Variants in RABEPK observed in about 807,000 individuals in gnomAD.
RABEPK encodes the protein Rab9 effector protein with kelch motifs, also known as 40 kDa Rab9 effector protein.
RABEPK carries 27 observed loss-of-function variants against 34.1 expected under a neutral mutation model. The observed-to-expected ratio is 0.79, with a 90% CI of 0.58 to 1.09. RABEPK has a LOEUF of 1.09. Ranked by LOEUF, RABEPK falls within the 50% of genes least tolerant of loss-of-function variation. The pLI, the probability that RABEPK is intolerant of heterozygous loss-of-function variation, is 0.00. For synonymous variants in RABEPK, 172 were observed against 169.2 expected, an observed-to-expected ratio of 1.02 and a Z score of -0.13; for missense variants, 449 against 462.6, an observed-to-expected ratio of 0.97 and a Z score of 0.27.
At position 125,233,813 on chromosome 9, in the gene RABEPK, A is replaced by T. The variant is rs955906358; in HGVS notation, c.952A>T (p.Thr318Ser). The T allele has an allele frequency of 3.1e-6, 5 of 1,613,776 alleles. No homozygotes were observed. The African/African-American group carries it at 6.7e-5, about 22-fold the overall frequency. ...TGAGAAAGAAGATTCCAACTCTCTC[A>T]CTCTGAACCATGAAGCTGAGAAAGA... ...ASEKEDSNSLTLNHEAEKEDS... is the reference protein window; with the variant it reads ...ASEKEDSNSLSLNHEAEKEDS... The change falls in exon 8 of 8, where the codon ACT (threonine) becomes TCT (serine). Residue 318 changes from threonine to serine, a missense_variant. Transcript: ENST00000373538.
chr9:125,221,538 A>G (rs1272937737), intron 5 of RABEPK: 3 of 152,054 alleles, frequency 2.0e-5, no homozygotes, highest in African/African-American at 4.8e-5. Context: ...ATCAAGTTAA[A>G]AAGTTTAAAC....
chr9:125,210,855 TGAAA>T, intron 3 of RABEPK, among the ~76,000 whole-genome samples: 1 of 149,584 alleles, frequency 6.7e-6, no homozygotes. Flanking sequence ...TTTTTTTTTT[TGAAA>T]TGGAGTCTCA....
At position 125,207,632 on chromosome 9, in the gene RABEPK, C is replaced by T. The variant is rs1466593319; in HGVS notation, c.122C>T (p.Pro41Leu). 5 of 1,614,106 alleles carry T rather than the reference C, an allele frequency of 3.1e-6. No homozygotes were observed. The highest frequency in any genetic ancestry group is 4.2e-6 in the Non-Finnish European group (5 of 1,179,970). The change falls in exon 3 of 8, where the codon CCA becomes CTA. Residue 41 changes from proline to leucine, a missense_variant. Transcript: ENST00000373538. ...RVGHSCSYLPPVGNAKRGKVF... is the reference protein window; with the variant it reads ...RVGHSCSYLPLVGNAKRGKVF... ...GGCCACAGCTGTTCATATTTACCCC[C>T]AGTTGGTAATGCCAAGAGAGGGAAG... is the stretch of plus-strand genomic sequence containing the variant.
At chr9:125,216,067 C>T (rs911565173) in intron 4 of RABEPK, among the ~76,000 whole-genome samples, 3 of 152,066 alleles carry the variant, frequency 2.0e-5, no homozygotes, top group African/African-American at 7.2e-5. Context: ...CTGAGGTGTA[C>T]AGATCACCTG....
intron 5 of RABEPK, among the ~76,000 whole-genome samples, chr9:125,224,676 G>T (rs973227855): frequency 1.3e-5 from 2 of 151,932 alleles, no homozygotes; most frequent in African/African-American, 2.4e-5. Flanking sequence ...GGATGGTCTC[G>T]ATCTCCTGAC....
intron 4 of RABEPK, among the ~76,000 whole-genome samples, chr9:125,218,108 G>A (rs1831056083): frequency 1.3e-5 from 2 of 150,656 alleles, no homozygotes; most frequent in Non-Finnish European, 3.0e-5. Context: ...TCAGGAGCTC[G>A]AGACCATCCT....
intron 2 of RABEPK, among the ~76,000 whole-genome samples, chr9:125,204,472 C>T (rs1267356003): frequency 6.6e-6 from 1 of 152,016 alleles, no homozygotes; most frequent in African/African-American, 2.4e-5. Context: ...ATCCTGGCCA[C>T]TCGGGAGGCT....
intron 5 of RABEPK, chr9:125,221,011 A>C: frequency 4.8e-6 from 1 of 208,526 alleles, no homozygotes; most frequent in Non-Finnish European, 9.6e-6. Context: ...AAACACAAAA[A>C]TTATCCGGGC....
intron 4 of RABEPK, 107 bp from the exon 5 acceptor site, chr9:125,220,432 C>A (rs1358978204): frequency 1.3e-6 from 2 of 1,501,842 alleles, no homozygotes; most frequent in Non-Finnish European, 1.8e-6. Flanking sequence ...ACTATGCTGG[C>A]CCCCCTGGGG....
At chr9:125,209,155 G>A (rs1830431729) in intron 3 of RABEPK, among the ~76,000 whole-genome samples, 1 of 149,536 alleles carries the variant, frequency 6.7e-6, no homozygotes, top group African/African-American at 2.5e-5. Flanking sequence ...CTGCCTCCTG[G>A]GTTCAAGCAA....
In RABEPK at chr9:125,200,585, A is replaced by G. The variant is rs1457380678; in HGVS notation, c.-328A>G. ...TGGCCTAAGTCGCCGCAGGTATTGC[A>G]GTCCGGGGCTGGAGGGTAGGGGCGA... On this transcript the variant is annotated 5_prime_UTR_variant, in exon 1 of 8. Coordinates refer to ENST00000373538, the MANE Select transcript of RABEPK (RefSeq NM_005833.4). 2.4e-6 allele frequency: 1 copy of G among 423,798 alleles called. No homozygotes were observed. Among genetic ancestry groups the G allele is most frequent in the Admixed American group, 2.6e-5 (1 of 38,084 alleles). 26.3% of individuals were successfully genotyped at this position (423,798 alleles called of 1,614,324 possible). A position where few individuals can be genotyped will look rare whatever the true frequency, so the allele number is the denominator to read the frequency against.
chr9:125,219,726 A>G (rs998899473), intron 4 of RABEPK, among the ~76,000 whole-genome samples: 14 of 150,636 alleles, frequency 9.3e-5, no homozygotes, highest in African/African-American at 3.4e-4. Flanking sequence ...GAGACAGGAT[A>G]TTGCTTTGTT....
intron 7 of RABEPK, among the ~76,000 whole-genome samples, chr9:125,233,151 A>C (rs1832328852): frequency 6.6e-6 from 1 of 151,946 alleles, no homozygotes; most frequent in South Asian, 2.1e-4. Context: ...TCTAAATCCA[A>C]AAGAATGAAA....
Position 125,219,396 on chromosome 9 carries a change from T to C in RABEPK, c.365-1143T>C, listed in dbSNP as rs12685618. On this transcript the variant is annotated intron_variant, in intron 4 of 7. Coordinates refer to ENST00000373538, the MANE Select transcript of RABEPK (RefSeq NM_005833.4). ...TTTTAATTTTTAATTTATTTTATTT[T>C]ATTATTATTATTTTTTAAGATGAAG... Among the ~76,000 whole-genome samples the C allele has an allele frequency of 0.018, 2,684 of 151,168 alleles. 158 individuals carry two copies. In the East Asian group the frequency reaches 0.22, roughly 13 times the overall value.
intron 4 of RABEPK, 103 bp from the exon 5 acceptor site, chr9:125,220,436 C>T (rs778678307): frequency 1.9e-5 from 29 of 1,510,926 alleles, no homozygotes; most frequent in Non-Finnish European, 2.4e-5. Context: ...TGCTGGCCCC[C>T]CTGGGGATTG....
In RABEPK at chr9:125,224,833, T is replaced by C. The variant is rs117865032; in HGVS notation, c.527-3077T>C. Among the ~76,000 whole-genome samples, 88 of 152,284 alleles carry C rather than the reference T, an allele frequency of 5.8e-4. 1 individual carries two copies. In the East Asian group the frequency reaches 0.017, roughly 29 times the overall value. On this transcript the variant is annotated intron_variant, in intron 5 of 7. Transcript: ENST00000373538. Reference sequence around the variant, plus strand: ...ATTGGTGAAAGGCCACATAGTTATATAGTGAGATAACCTGGTTTCAGCTCC... The same window carrying C: ...ATTGGTGAAAGGCCACATAGTTATACAGTGAGATAACCTGGTTTCAGCTCC...
intron 1 of RABEPK, among the ~76,000 whole-genome samples, chr9:125,201,955 A>G (rs375310263): frequency 2.7e-5 from 4 of 147,952 alleles, no homozygotes; most frequent in Non-Finnish European, 4.5e-5. Context: ...GGCCGGGCTC[A>G]GTGGCTCACG....
intron 6 of RABEPK, among the ~76,000 whole-genome samples, chr9:125,230,657 T>G (rs1449891384): frequency 1.3e-5 from 2 of 151,524 alleles, no homozygotes; most frequent in African/African-American, 2.4e-5. Context: ...TGCCTCAGCC[T>G]CCTGAGTAGT....
intron 1 of RABEPK, 49 bp from the exon 2 acceptor site, chr9:125,202,959 A>G: frequency 6.8e-7 from 1 of 1,466,512 alleles, no homozygotes; most frequent in Admixed American, 1.7e-5. Context: ...GAATTGATTA[A>G]GATGATAATC....
Sources: gnomAD v4.1 joint callset for allele counts (sites outside exome capture counted in the v4.1 genomes callset) on GRCh38, gnomAD v4.1.1 for gene constraint, MANE v1.5 for transcripts, NCBI Gene and HGNC (gene_info 2026-07-23, HGNC 2026-07-21) for gene names.